The following FXR2 variants were observed in gnomAD, a reference collection of about 807,000 sequenced individuals.
The protein encoded by FXR2 is FMR1 autosomal homolog 2.
A neutral mutation model predicts 87.3 loss-of-function variants in FXR2; 9 were observed. The ratio of observed to expected loss-of-function variants is 0.10; its 90% CI spans 0.06 to 0.18. FXR2 has a LOEUF of 0.18. Among genes scored for constraint, FXR2 ranks in the 10% least tolerant of loss-of-function variants. The pLI is 1.00. For missense variants in FXR2, 661 were observed against 893.6 expected, an observed-to-expected ratio of 0.74 and a Z score of 3.32; for synonymous variants, 331 against 328.3, an observed-to-expected ratio of 1.01 and a Z score of -0.09.
intron 7 of FXR2, among the ~76,000 whole-genome samples, chr17:7,600,233 T>C (rs916593229): frequency 5.3e-5 from 8 of 150,232 alleles, no homozygotes; most frequent in Non-Finnish European, 7.4e-5. Context: ...AGTTTCACTC[T>C]TGTCACCCAG....
chr17:7,603,647 C>T, intron 5 of FXR2, 110 bp downstream of exon 5: 5 of 979,610 alleles, frequency 5.1e-6, no homozygotes, highest in South Asian at 1.5e-5. Flanking sequence ...TAGTAGAGGG[C>T]CAGGGGAACA....
chr17:7,594,656 GTA>G lies in FXR2; in HGVS notation c.910+21_910+22del. 1 of 1,426,796 alleles carries G rather than the reference GTA, an allele frequency of 7.0e-7. No homozygotes were observed. The highest frequency in any genetic ancestry group is 1.1e-5 in the South Asian group (1 of 87,332). 88.4% of individuals were successfully genotyped at this position (1,426,796 alleles called of 1,614,324 possible). The stretch of plus-strand genomic sequence containing the variant: ...AGAATCTTGATTCTGACCTCTAACT[GTA>G]TATACACACCACCAACTCACCAACC... On this transcript the variant is annotated intron_variant, in intron 9 of 16. Coordinates refer to ENST00000250113, the MANE Select transcript of FXR2 (RefSeq NM_004860.4). This position sits in a 1 kb window ranked among gnomAD's most constrained non-coding sequence, Gnocchi z 5.1.
chr17:7,601,365 G>A (rs750998388), intron 7 of FXR2, 44 bp downstream of exon 7: 2 of 1,021,192 alleles, frequency 2.0e-6, no homozygotes, highest in Non-Finnish European at 3.1e-6. Flanking sequence ...AGGAAGGGAG[G>A]AAGACAATAC....
Position 7,595,568 on chromosome 17 carries a change from C to T in FXR2, c.831+256G>A, listed in dbSNP as rs78417757. Among the ~76,000 whole-genome samples the T allele has an allele frequency of 0.017, 2,575 of 152,202 alleles. 39 individuals are homozygous for T. The highest frequency in any genetic ancestry group is 0.025 in the Non-Finnish European group (1,704 of 68,020). On this transcript the variant is annotated intron_variant, in intron 8 of 16. Coordinates refer to ENST00000250113, the MANE Select transcript of FXR2 (RefSeq NM_004860.4). This position sits in a 1 kb window ranked among gnomAD's most constrained non-coding sequence, Gnocchi z 4.7. ...CCTCCCCTCTATCTTCCCATTTCAG[C>T]CTCCCAAGTACCTGCGACTACAGGT...
At position 7,605,756 on chromosome 17, in the gene FXR2, A is replaced by C. The variant is rs1213064748; in HGVS notation, c.135-18T>G. 7 of 1,405,406 alleles carry C rather than the reference A, an allele frequency of 5.0e-6. No individual in the cohort carries two copies. Among genetic ancestry groups the C allele is most frequent in the South Asian group, 1.2e-5 (1 of 83,688 alleles). The allele number at this position is 1,405,406 out of a possible 1,614,324, so 87.1% of individuals were successfully genotyped here. On this transcript the variant is annotated intron_variant, in intron 2 of 16. Transcript: ENST00000250113. ...TCTGCCAGCTATAATAGAAACAATAATATGAAAAAGCTACTCTGACTGATA... is the reference window on the plus strand; with the variant it reads ...TCTGCCAGCTATAATAGAAACAATACTATGAAAAAGCTACTCTGACTGATA...
rs1240264490 is a variant in FXR2, at chr17:7,593,561, C to A, written c.1172G>T (p.Gly391Val). 3 of 1,597,522 alleles carry A rather than the reference C, an allele frequency of 1.9e-6. No individual in the cohort carries two copies. Among genetic ancestry groups the A allele is most frequent in the Non-Finnish European group, 2.6e-6 (3 of 1,173,444 alleles). Reference protein sequence around the residue: ...IDEQLRQIGLGFRPPGSGRGS... With the variant: ...IDEQLRQIGLVFRPPGSGRGS... ...CCGCCCACTCCCAGGAGGGCGAAAG[C>A]CCAGCCCAATCTGCCGAAGCTGCTC... Residue 391 changes from glycine to valine, a missense_variant, in exon 12 of 17, where the codon GGC becomes GTC. Gly to Val is a moderately radical substitution (Grantham distance 109). Transcript: ENST00000250113. This position sits in a 1 kb window ranked among gnomAD's most constrained non-coding sequence, Gnocchi z 6.1.
chr17:7,593,012 C>T lies in FXR2; in HGVS notation c.1500G>A (p.Ser500=), dbSNP rs372877928. 4 of 1,574,522 alleles carry T rather than the reference C, an allele frequency of 2.5e-6. No homozygotes were observed. Among genetic ancestry groups the T allele is most frequent in the African/African-American group, 1.4e-5 (1 of 73,056 alleles). The change falls in exon 13 of 17, where the codon TCG becomes TCA. Residue 500 remains serine (S), a synonymous_variant. Coordinates refer to ENST00000250113, the MANE Select transcript of FXR2 (RefSeq NM_004860.4). The surrounding 1 kb of genome is among the most constrained non-coding windows in gnomAD (Gnocchi z 6.1). The part of the protein sequence containing the change: ...RGPPPAPRPT[S]RYNSSSISSV... ...AGCTAATAGATGAAGAATTGTATCT[C>T]GAAGTGGGCCGGGGGGCAGGTGGGG...
intron 1 of FXR2, among the ~76,000 whole-genome samples, chr17:7,610,173 C>T (rs1446243890): frequency 2.0e-5 from 3 of 151,748 alleles, no homozygotes; most frequent in Non-Finnish European, 2.9e-5. Context: ...GCTGCAGGGT[C>T]GTCTGGATTT....
intron 1 of FXR2, among the ~76,000 whole-genome samples, chr17:7,610,086 C>T (rs764816079): frequency 2.0e-5 from 3 of 149,980 alleles, no homozygotes; most frequent in African/African-American, 4.9e-5. Flanking sequence ...ATTAGCCAGG[C>T]GTGGTGGCAC....
chr17:7,602,617 T>C (rs1449769080), intron 6 of FXR2: 3 of 243,962 alleles, frequency 1.2e-5, no homozygotes, highest in African/African-American at 6.9e-5. Flanking sequence ...TAATCCCAGC[T>C]ACTCAGGAGG....
chr17:7,599,692 C>T (rs1186508233), intron 7 of FXR2, among the ~76,000 whole-genome samples: 2 of 151,910 alleles, frequency 1.3e-5, no homozygotes, highest in Non-Finnish European at 2.9e-5. Context: ...GCCTGGCCAA[C>T]ATGGTGAAAC....
intron 1 of FXR2, among the ~76,000 whole-genome samples, chr17:7,613,031 A>G (rs549799312): frequency 1.3e-5 from 2 of 150,746 alleles, no homozygotes; most frequent in South Asian, 4.2e-4. Context: ...AATGACTACA[A>G]TGCACTTAGC....
intron 7 of FXR2, chr17:7,596,378 A>C (rs1027439782): frequency 6.4e-6 from 1 of 156,528 alleles, no homozygotes; most frequent in Non-Finnish European, 1.4e-5. Flanking sequence ...GGCTGGTCTC[A>C]AACTCCTGAC....
intron 5 of FXR2, among the ~76,000 whole-genome samples, 199 bp from the exon 6 acceptor site, chr17:7,603,201 A>T (rs1040644021): frequency 2.7e-5 from 4 of 150,706 alleles, no homozygotes; most frequent in Non-Finnish European, 5.9e-5. Context: ...AAAAAAAAAA[A>T]TTCAGAGAAG....
intron 5 of FXR2, among the ~76,000 whole-genome samples, chr17:7,603,204 C>A (rs1303085151): frequency 6.7e-6 from 1 of 149,862 alleles, no homozygotes; most frequent in Non-Finnish European, 1.5e-5. Flanking sequence ...AAAAAAAATT[C>A]AGAGAAGCAG....
At chr17:7,608,321 C>T (rs1452145741) in intron 1 of FXR2, among the ~76,000 whole-genome samples, 1 of 150,886 alleles carries the variant, frequency 6.6e-6, no homozygotes, top group Non-Finnish European at 1.5e-5. Flanking sequence ...TGGCCAGGGG[C>T]GGTAGCACAC....
Position 7,592,838 on chromosome 17 carries a change from G to C in FXR2, c.1585C>G (p.Pro529Ala), listed in dbSNP as rs2071676339. The stretch of plus-strand genomic sequence containing the variant: ...TCCCCAGGTTCTGAATCAACCGGGG[G>C]CTCTGGTTCAGACGTGTCCAATAGG... The part of the protein sequence containing the change: ...YSLLDTSEPE[P>A]PVDSEPGEPP... The change falls in exon 14 of 17, where the codon CCC becomes GCC. Residue 529 changes from proline (P) to alanine (A), a missense_variant. Pro to Ala is a conservative substitution (Grantham distance 27). Transcript: ENST00000250113. The surrounding 1 kb of genome is among the most constrained non-coding windows in gnomAD (Gnocchi z 4.8). 2 of 1,611,698 alleles carry C rather than the reference G, an allele frequency of 1.2e-6. No individual in the cohort carries two copies. The highest frequency in any genetic ancestry group is 3.4e-5 in the Admixed American group (2 of 59,674).
At chr17:7,610,122 G>A (rs2071851444) in intron 1 of FXR2, among the ~76,000 whole-genome samples, 2 of 151,828 alleles carry the variant, frequency 1.3e-5, no homozygotes, top group East Asian at 1.9e-4. Context: ...GCTATTCAGG[G>A]TGGCTGAGAT....
At chr17:7,597,280 A>G (rs1438020267) in intron 7 of FXR2, among the ~76,000 whole-genome samples, 2 of 152,212 alleles carry the variant, frequency 1.3e-5, no homozygotes, top group Non-Finnish European at 1.5e-5. Context: ...GAAAGGAGAC[A>G]TTCCTAGATT....
Sources: gnomAD v4.1 joint callset for allele counts (sites outside exome capture counted in the v4.1 genomes callset) on GRCh38, gnomAD v4.1.1 for gene constraint, Gnocchi (gnomAD v3.1) non-coding constraint, MANE v1.5 for transcripts, NCBI Gene and HGNC (gene_info 2026-07-23, HGNC 2026-07-21) for gene names.